MAP3K7: variants seen among roughly 807,000 people sequenced by gnomAD.
MAP3K7 encodes the protein mitogen-activated protein kinase kinase kinase 7.
In MAP3K7, 21 loss-of-function variants were observed where a neutral mutation model predicts 84.8. That is an observed-to-expected ratio of 0.25 (90% CI 0.18 to 0.36). The LOEUF (loss-of-function observed/expected upper bound fraction) is 0.36. Among genes scored for constraint, MAP3K7 ranks in the 10% least tolerant of loss-of-function variants. MAP3K7 has a pLI of 1.00. For missense variants in MAP3K7, 503 were observed against 747.7 expected (o/e 0.67, Z 3.82); for synonymous variants, 241 against 247.7 (o/e 0.97, Z 0.25).
At chr6:90,586,696 G>A in intron 1 of MAP3K7, 68 bp downstream of exon 1, 3 of 1,533,580 alleles carry the variant, frequency 2.0e-6, no homozygotes, top group East Asian at 2.5e-5. Context: ...CACCTTCAGA[G>A]CCGGCACCAG....
intron 11 of MAP3K7, among the ~76,000 whole-genome samples, chr6:90,545,036 C>T (rs909750518): frequency 3.9e-5 from 6 of 152,058 alleles, no homozygotes; most frequent in African/African-American, 1.2e-4. Flanking sequence ...GTTTTAATTA[C>T]ACAAACACAG....
chr6:90,530,544 G>GAAAT (rs1381756810), intron 13 of MAP3K7, among the ~76,000 whole-genome samples: 19 of 152,204 alleles, frequency 1.2e-4, no homozygotes, highest in South Asian at 6.2e-4. Context: ...ATGAAACTAA[G>GAAAT]AAATATAAGG....
chr6:90,561,245 A>G (rs1375945199), intron 4 of MAP3K7, among the ~76,000 whole-genome samples: 1 of 152,050 alleles, frequency 6.6e-6, no homozygotes, highest in Admixed American at 6.5e-5. Flanking sequence ...TTTTGAAAAA[A>G]AAGAAAAAAT....
chr6:90,545,075 G>A (rs905961286), intron 11 of MAP3K7, among the ~76,000 whole-genome samples: 1 of 152,068 alleles, frequency 6.6e-6, no homozygotes. Context: ...GGTGTTTCTT[G>A]AAGTGTGCTA....
intron 2 of MAP3K7, among the ~76,000 whole-genome samples, chr6:90,569,635 T>A (rs6934455): frequency 6.6e-6 from 1 of 152,024 alleles, no homozygotes; most frequent in Non-Finnish European, 1.5e-5. Context: ...ACAGCCACCA[T>A]GCCTGGTTAA....
Position 90,586,773 on chromosome 6 carries a change from C to G in MAP3K7, c.111G>C (p.Glu37Asp), listed in dbSNP as rs1443915712. The G allele has an allele frequency of 6.3e-7, 1 of 1,599,106 alleles. No individual in the cohort carries two copies. The highest frequency in any genetic ancestry group is 1.1e-5 in the South Asian group (1 of 89,020). Residue 37 changes from glutamate to aspartate, a missense_variant, in exon 1 of 17, where the codon GAG (glutamate) becomes GAC (aspartate). Glu to Asp is a conservative substitution (Grantham distance 45). Around this residue, in one of 5 missense-constraint regions of MAP3K7, gnomAD observed 97 missense variants for 270.8 expected, o/e 0.36. Transcript: ENST00000369329. ...GCCGGGCCTCGCTCACCTCTTCCAC[C>G]TCGATCTCCTTGTAGTCGATCTCTT... The part of the protein sequence containing the change: ...NFEEIDYKEI[E>D]VEEVVGRGAF...
chr6:90,573,530 G>T (rs1423965160), intron 1 of MAP3K7, among the ~76,000 whole-genome samples: 1 of 152,212 alleles, frequency 6.6e-6, no homozygotes, highest in African/African-American at 2.4e-5. Context: ...TTACCATGTT[G>T]TTCAATGTCT....
rs1775677189 is a variant in MAP3K7, at chr6:90,536,342, C to T, written c.1351G>A (p.Gly451Ser). The change falls in exon 13 of 17, where the codon GGT (glycine) becomes AGT (serine). Residue 451 changes from glycine (G) to serine (S), a missense_variant. By Grantham distance (56) the Gly-to-Ser change is moderately conservative (BLOSUM62 0). This residue lies in a region of MAP3K7 where 286 missense variants were observed against 313.6 expected (regional missense o/e 0.91). Transcript: ENST00000369329. ...QDLTVTGTEP[G>S]QVSSRSSSPS... ...AAATTTGAATGTTGTCTTACCTGAC[C>T]AGGTTCTGTTCCAGTTACAGTCAAG... is the stretch of plus-strand genomic sequence containing the variant. The T allele has an allele frequency of 6.2e-7, 1 of 1,610,892 alleles. No homozygotes were observed. The highest frequency in any genetic ancestry group is 2.2e-5 in the East Asian group (1 of 44,820).
In MAP3K7 at chr6:90,518,561, G is replaced by A; in HGVS notation, c.1526C>T (p.Pro509Leu). ...TTTGGAGTTTGGGCACGGTGCTAGAGGCTGAAAATAATCAGGAATGTTAAA... is the reference window on the plus strand; with the variant it reads ...TTTGGAGTTTGGGCACGGTGCTAGAAGCTGAAAATAATCAGGAATGTTAAA... ...AYLTLDHQLQ[P>L]LAPCPNSKES... Residue 509 changes from proline (P) to leucine (L), a missense_variant and splice_region_variant, in exon 16 of 17, where the codon CCT (proline) becomes CTT (leucine). Pro to Leu is a moderately conservative substitution (Grantham distance 98). Coordinates refer to ENST00000369329, the MANE Select transcript of MAP3K7 (RefSeq NM_145331.3). The A allele has an allele frequency of 6.6e-7, 1 of 1,521,282 alleles. No homozygotes were observed. Among genetic ancestry groups the A allele is most frequent in the Non-Finnish European group, 9.1e-7 (1 of 1,098,954 alleles). The allele number at this position is 1,521,282 out of a possible 1,614,324, so 94.2% of individuals were successfully genotyped here.
chr6:90,576,471 A>ACAC (rs1777086214), intron 1 of MAP3K7, among the ~76,000 whole-genome samples: 1 of 147,176 alleles, frequency 6.8e-6, no homozygotes, highest in Non-Finnish European at 1.5e-5. Flanking sequence ...ACACACACAC[A>ACAC]GAAGAAACAA....
At chr6:90,538,952 A>T (rs1474222442) in intron 12 of MAP3K7, among the ~76,000 whole-genome samples, 1 of 151,858 alleles carries the variant, frequency 6.6e-6, no homozygotes, top group African/African-American at 2.4e-5. Flanking sequence ...TTTCCTGGAG[A>T]CTTCTCTTAA....
intron 14 of MAP3K7, among the ~76,000 whole-genome samples, chr6:90,519,532 A>G (rs1582156350): frequency 1.3e-5 from 2 of 152,152 alleles, no homozygotes; most frequent in Non-Finnish European, 2.9e-5. Flanking sequence ...TTATATTCTC[A>G]TACCTATAAT....
At chr6:90,518,783 A>C (rs775905034) in intron 15 of MAP3K7, among the ~76,000 whole-genome samples, 23 of 151,834 alleles carry the variant, frequency 1.5e-4, no homozygotes, top group Non-Finnish European at 3.1e-4. Context: ...TGTTACAGAG[A>C]ATCATGATTG....
chr6:90,541,217 T>C (rs1004759332), intron 12 of MAP3K7, among the ~76,000 whole-genome samples: 4 of 152,058 alleles, frequency 2.6e-5, no homozygotes, highest in African/African-American at 4.8e-5. Flanking sequence ...AGAAAGGATA[T>C]GGTTTTTAAA....
intron 2 of MAP3K7, among the ~76,000 whole-genome samples, chr6:90,571,445 C>T (rs939824856): frequency 3.9e-5 from 6 of 151,926 alleles, no homozygotes; most frequent in African/African-American, 1.4e-4. Flanking sequence ...GATCTGAATT[C>T]CATGGATGAA....
At chr6:90,544,095 C>T (rs774110366) in intron 12 of MAP3K7, among the ~76,000 whole-genome samples, 9 of 152,098 alleles carry the variant, frequency 5.9e-5, no homozygotes, top group Admixed American at 1.3e-4. Flanking sequence ...TCTCTTCTCT[C>T]AACTTCACAT....
At chr6:90,523,928 A>G (rs1484276225) in intron 13 of MAP3K7, 145 bp from the exon 14 acceptor site, 2 of 555,846 alleles carry the variant, frequency 3.6e-6, no homozygotes, top group African/African-American at 1.9e-5. Flanking sequence ...TCTTATATAT[A>G]TGTAAAAATT....
chr6:90,554,037 C>T (rs977401549), intron 6 of MAP3K7, among the ~76,000 whole-genome samples: 1 of 152,102 alleles, frequency 6.6e-6, no homozygotes, highest in Admixed American at 6.6e-5. Context: ...TCCTGAGTAG[C>T]TGGGGCTACA....
chr6:90,580,252 GT>G (rs1180347848), intron 1 of MAP3K7, among the ~76,000 whole-genome samples: 3 of 152,098 alleles, frequency 2.0e-5, no homozygotes, highest in Admixed American at 2.0e-4. Flanking sequence ...TTGACATATG[GT>G]AGATCAACAG....
Sources: allele counts gnomAD v4.1 joint callset (sites outside exome capture counted in the v4.1 genomes callset), GRCh38; gene constraint gnomAD v4.1.1; regional missense constraint gnomAD v4.1.1; transcripts MANE v1.5; gene names NCBI Gene and HGNC (gene_info 2026-07-23, HGNC 2026-07-21).